The following ADGRL2 variants were observed in gnomAD, a reference collection of about 807,000 sequenced individuals.
ADGRL2 encodes adhesion G protein-coupled receptor L2, also known as calcium-independent alpha-latrotoxin receptor 2.
A neutral mutation model predicts 157.4 loss-of-function variants in ADGRL2; 44 were observed. That is an observed-to-expected ratio of 0.28 (90% CI 0.22 to 0.36). The LOEUF (loss-of-function observed/expected upper bound fraction) is 0.36, where lower values mean the gene tolerates loss of function less well. Ranked by LOEUF, ADGRL2 falls within the 10% of genes least tolerant of loss-of-function variation. The pLI, the probability that ADGRL2 is intolerant of heterozygous loss-of-function variation, is 1.00. For missense variants in ADGRL2, 1,510 were observed against 1,768.9 expected (o/e 0.85, Z 2.63); for synonymous variants, 585 against 624.7 (o/e 0.94, Z 0.95).
intron 2 of ADGRL2, among the ~76,000 whole-genome samples, chr1:81,795,266 G>T (rs1270216865): frequency 2.0e-5 from 3 of 152,100 alleles, no homozygotes; most frequent in East Asian, 1.9e-4. Context: ...TGTGGTCACA[G>T]CTACTTGGGA....
At chr1:81,482,698 G>A (rs1305177949) in intron 2 of ADGRL2, among the ~76,000 whole-genome samples, 3 of 149,236 alleles carry the variant, frequency 2.0e-5, no homozygotes, top group African/African-American at 5.1e-5. Flanking sequence ...TGTAAACACA[G>A]GAGATATTAG....
intron 19 of ADGRL2, among the ~76,000 whole-genome samples, chr1:81,982,367 G>A (rs974304762): frequency 1.3e-5 from 2 of 151,890 alleles, no homozygotes; most frequent in African/African-American, 4.8e-5. Flanking sequence ...AATTTTTAAA[G>A]CACCAGACAT....
intron 1 of ADGRL2, among the ~76,000 whole-genome samples, chr1:81,429,237 G>A (rs1467734214): frequency 1.3e-5 from 2 of 151,580 alleles, no homozygotes; most frequent in East Asian, 1.9e-4. Context: ...AATTATGAGA[G>A]GTAACAGTTC....
chr1:81,599,878 C>T (rs187152947), intron 3 of ADGRL2, among the ~76,000 whole-genome samples: 7 of 152,222 alleles, frequency 4.6e-5, no homozygotes, highest in Middle Eastern at 3.4e-3. Flanking sequence ...CTATGTTTCC[C>T]AAGTTTTGAG....
chr1:81,434,712 G>A (rs1376513222), intron 1 of ADGRL2, among the ~76,000 whole-genome samples: 1 of 152,076 alleles, frequency 6.6e-6, no homozygotes, highest in Non-Finnish European at 1.5e-5. Context: ...CTCATATGAA[G>A]CAGTTTTAAC....
chr1:81,379,045 T>A (rs1450647348), intron 1 of ADGRL2, among the ~76,000 whole-genome samples: 1 of 152,232 alleles, frequency 6.6e-6, no homozygotes, highest in Non-Finnish European at 1.5e-5. Context: ...AAATCTATCA[T>A]GTTTGCCAGA....
intron 3 of ADGRL2, among the ~76,000 whole-genome samples, chr1:81,637,718 A>G (rs2148787054): frequency 6.6e-6 from 1 of 152,320 alleles, no homozygotes; most frequent in African/African-American, 2.4e-5. Context: ...TTCTGTTTGA[A>G]TGCACTGTAT....
intron 2 of ADGRL2, among the ~76,000 whole-genome samples, chr1:81,479,496 G>A (rs1019089910): frequency 6.6e-6 from 1 of 151,824 alleles, no homozygotes; most frequent in Non-Finnish European, 1.5e-5. Flanking sequence ...TAAAAAAAAA[G>A]AAATTTCTTC....
intron 1 of ADGRL2, among the ~76,000 whole-genome samples, chr1:81,421,660 G>A (rs2077126844): frequency 6.6e-6 from 1 of 151,946 alleles, no homozygotes; most frequent in Non-Finnish European, 1.5e-5. Flanking sequence ...ATCATGGCAA[G>A]ATACTGAAGG....
chr1:81,645,374 G>T (rs1191848204), intron 3 of ADGRL2, among the ~76,000 whole-genome samples: 1 of 138,654 alleles, frequency 7.2e-6, no homozygotes, highest in African/African-American at 2.7e-5. Context: ...TCCAGCCTGG[G>T]TGACAGAGTG....
intron 3 of ADGRL2, among the ~76,000 whole-genome samples, chr1:81,656,553 T>C (rs921551867): frequency 2.0e-5 from 3 of 152,190 alleles, no homozygotes; most frequent in African/African-American, 7.2e-5. Flanking sequence ...TTAGACACGA[T>C]GTGCCAGATG....
chr1:81,861,806 C>T (rs2093397511), intron 2 of ADGRL2, among the ~76,000 whole-genome samples: 1 of 151,904 alleles, frequency 6.6e-6, no homozygotes, highest in South Asian at 2.1e-4. Context: ...AGAATTGAAC[C>T]TGGGAGGTGG....
chr1:81,427,670 G>A, intron 1 of ADGRL2: 1 of 501,190 alleles, frequency 2.0e-6, no homozygotes, highest in Non-Finnish European at 3.6e-6. Context: ...TGTTAGGAAA[G>A]CTGGAGGTTA....
chr1:81,722,407 C>A, intron 1 of ADGRL2: 1 of 908,046 alleles, frequency 1.1e-6, no homozygotes, highest in Non-Finnish European at 1.8e-6. Context: ...TTGACTTATT[C>A]ACAAATGCCA....
chr1:81,327,320 C>A (rs1660971607), intron 1 of ADGRL2, among the ~76,000 whole-genome samples: 2 of 152,040 alleles, frequency 1.3e-5, no homozygotes, highest in Non-Finnish European at 2.9e-5. Context: ...TCTGCGGAAG[C>A]CTTTCCTTTG....
intron 2 of ADGRL2, chr1:81,557,498 A>AAAG (rs1185574780): frequency 9.0e-6 from 1 of 111,164 alleles, no homozygotes; most frequent in African/African-American, 5.3e-5. Context: ...AGAAAGAAAG[A>AAAG]AAGAAAGAAA....
At chr1:81,390,800 A>C (rs1363761354) in intron 1 of ADGRL2, among the ~76,000 whole-genome samples, 1 of 152,310 alleles carries the variant, frequency 6.6e-6, no homozygotes, top group African/African-American at 2.4e-5. Context: ...TGAATGCAAC[A>C]AAATTTATTT....
chr1:81,548,110 C>T (rs2080062059), intron 2 of ADGRL2, among the ~76,000 whole-genome samples: 2 of 152,116 alleles, frequency 1.3e-5, no homozygotes, highest in South Asian at 2.1e-4. Flanking sequence ...GACTACAGCC[C>T]ACACAAGAAA....
intron 1 of ADGRL2, among the ~76,000 whole-genome samples, chr1:81,339,332 C>T (rs926476455): frequency 2.0e-5 from 3 of 152,206 alleles, no homozygotes; most frequent in South Asian, 2.1e-4. Flanking sequence ...AATCTGATTC[C>T]CAATGCCTTG....
Sources: allele counts gnomAD v4.1 joint callset (sites outside exome capture counted in the v4.1 genomes callset), GRCh38; gene constraint gnomAD v4.1.1; transcripts MANE v1.5; gene names NCBI Gene and HGNC (gene_info 2026-07-23, HGNC 2026-07-21).